The following NCKAP5 variants were observed in gnomAD, a reference collection of about 807,000 sequenced individuals.
NCKAP5 encodes nck-associated protein 5.
Under a neutral mutation model 167.0 loss-of-function variants are expected in NCKAP5, and 92 were observed. That is an observed-to-expected ratio of 0.55 (90% CI 0.47 to 0.66). The LOEUF is 0.66. Among genes scored for constraint, NCKAP5 ranks in the 30% least tolerant of loss-of-function variants. NCKAP5 has a pLI of 0.00. For missense variants in NCKAP5, 2,378 were observed against 2,315.0 expected, an observed-to-expected ratio of 1.03 and a Z score of -0.56; for synonymous variants, 891 against 877.4, an observed-to-expected ratio of 1.02 and a Z score of -0.27.
intron 19 of NCKAP5, among the ~76,000 whole-genome samples, chr2:132,687,515 C>G (rs1186313674): frequency 6.6e-6 from 1 of 152,066 alleles, no homozygotes; most frequent in Non-Finnish European, 1.5e-5. Flanking sequence ...CTATAGTTCT[C>G]TAAAGTGACT....
intron 3 of NCKAP5, among the ~76,000 whole-genome samples, chr2:133,370,980 C>T (rs917168842): frequency 1.7e-4 from 26 of 152,082 alleles, no homozygotes; most frequent in African/African-American, 5.1e-4. Context: ...TTCATAATAT[C>T]CCTCCTAAGC....
Position 132,782,074 on chromosome 2 carries a change from A to C in NCKAP5, c.4737T>G (p.Asp1579Glu), listed in dbSNP as rs758235811. The change falls in exon 14 of 20, where the codon GAT (aspartate) becomes GAG (glutamate). Residue 1579 changes from aspartate to glutamate, a missense_variant. Coordinates refer to ENST00000409261, the MANE Select transcript of NCKAP5 (RefSeq NM_207363.3). ...GATTATTTTTGCTTTGTAAACCGCC[A>C]TCTGGATTATCTGCTGACTTGGTGT... ...IKDTKSADNPDGGLQSKNNRR... is the reference protein window; with the variant it reads ...IKDTKSADNPEGGLQSKNNRR... The C allele has an allele frequency of 2.5e-6, 4 of 1,614,022 alleles. No individual in the cohort carries two copies. The East Asian group carries it at 6.7e-5, about 27-fold the overall frequency.
At chr2:132,882,208 G>A (rs1285975164) in intron 8 of NCKAP5, among the ~76,000 whole-genome samples, 1 of 152,040 alleles carries the variant, frequency 6.6e-6, no homozygotes, top group East Asian at 1.9e-4. Context: ...CTGAAATCAG[G>A]CATTTCTCTA....
chr2:132,808,316 T>C (rs1327115359), intron 11 of NCKAP5, among the ~76,000 whole-genome samples: 1 of 152,116 alleles, frequency 6.6e-6, no homozygotes, highest in Non-Finnish European at 1.5e-5. Context: ...TCTTGTGGAA[T>C]AGTGTCAAAA....
chr2:132,777,883 A>G (rs1301329237), intron 15 of NCKAP5, among the ~76,000 whole-genome samples: 1 of 152,090 alleles, frequency 6.6e-6, no homozygotes, highest in Non-Finnish European at 1.5e-5. Context: ...ACACTGGGTA[A>G]AGAGAATACC....
At chr2:133,344,607 C>T (rs999674280) in intron 3 of NCKAP5, among the ~76,000 whole-genome samples, 1 of 151,866 alleles carries the variant, frequency 6.6e-6, no homozygotes, top group African/African-American at 2.4e-5. Flanking sequence ...TCGCTGGACG[C>T]AGAGTGGTAG....
At chr2:133,052,718 C>CAA (rs112451840) in intron 6 of NCKAP5, among the ~76,000 whole-genome samples, 6 of 81,940 alleles carry the variant, frequency 7.3e-5, no homozygotes, top group East Asian at 3.4e-4. Flanking sequence ...AACTCTGTCA[C>CAA]AAAAAAAAAA....
At chr2:133,632,243 G>A in the NCKAP5 span, among the ~76,000 whole-genome samples, 4 of 152,228 alleles carry the variant, frequency 2.6e-5, no homozygotes, top group East Asian at 1.9e-4. Context: ...CCTGTTCTGA[G>A]CATTCTGGCA....
intron 11 of NCKAP5, among the ~76,000 whole-genome samples, chr2:132,839,082 A>G (rs1688106189): frequency 6.6e-6 from 1 of 152,116 alleles, no homozygotes; most frequent in South Asian, 2.1e-4. Context: ...GTCCATTTGT[A>G]AGAGCTCTTT....
upstream of NCKAP5, among the ~76,000 whole-genome samples, chr2:133,572,419 C>A (rs6730947): frequency 1.3e-5 from 2 of 152,170 alleles, no homozygotes; most frequent in African/African-American, 4.8e-5. Flanking sequence ...AAGTCATAGG[C>A]ATGAAAGACA....
chr2:133,176,751 A>T (rs952012568), intron 5 of NCKAP5, among the ~76,000 whole-genome samples: 1 of 152,202 alleles, frequency 6.6e-6, no homozygotes, highest in Non-Finnish European at 1.5e-5. Context: ...TCATGAGTGT[A>T]TGTGAATGAA....
chr2:133,159,725 A>C (rs904692618), intron 5 of NCKAP5, among the ~76,000 whole-genome samples: 1 of 152,202 alleles, frequency 6.6e-6, no homozygotes, highest in Non-Finnish European at 1.5e-5. Context: ...AAATTGATTG[A>C]ATAAAGATGT....
chr2:133,235,476 C>T (rs2087358734), intron 4 of NCKAP5, among the ~76,000 whole-genome samples: 1 of 152,160 alleles, frequency 6.6e-6, no homozygotes, highest in African/African-American at 2.4e-5. Flanking sequence ...GTGGCTCACA[C>T]CTGTAATCCT....
At chr2:133,268,688 T>C (rs934562492) in intron 4 of NCKAP5, among the ~76,000 whole-genome samples, 2 of 152,270 alleles carry the variant, frequency 1.3e-5, no homozygotes, top group East Asian at 3.9e-4. Context: ...TTCACCGTGG[T>C]CTCGATCTCC....
chr2:133,589,422 G>C, the NCKAP5 span, among the ~76,000 whole-genome samples: 1 of 152,154 alleles, frequency 6.6e-6, no homozygotes, highest in Non-Finnish European at 1.5e-5. Context: ...TTGGGAGTCT[G>C]TTCTGAATAA....
Position 132,756,074 on chromosome 2 carries a change from G to A in NCKAP5, c.5128+17742C>T, listed in dbSNP as rs191069146. Reference sequence around the variant, plus strand: ...GAACTTGCTCAGTTCCTTGGCAAAGGGAGAACTGGAGGAGGCCTGTGTGAC... The same window carrying A: ...GAACTTGCTCAGTTCCTTGGCAAAGAGAGAACTGGAGGAGGCCTGTGTGAC... On this transcript the variant is annotated intron_variant, in intron 16 of 19. Transcript: ENST00000409261. Among the ~76,000 whole-genome samples, 207 of 152,106 alleles carry A rather than the reference G, an allele frequency of 1.4e-3. 2 individuals are homozygous for A. Among genetic ancestry groups the A allele is most frequent in the Non-Finnish European group, 2.8e-3 (188 of 68,000 alleles).
intron 6 of NCKAP5, among the ~76,000 whole-genome samples, chr2:133,038,155 G>C (rs2079097135): frequency 1.3e-5 from 2 of 152,164 alleles, no homozygotes. Flanking sequence ...ATATTGAAGA[G>C]ATAGCTGCAC....
At chr2:133,300,006 G>T (rs528796430) in intron 4 of NCKAP5, among the ~76,000 whole-genome samples, 6 of 146,796 alleles carry the variant, frequency 4.1e-5, no homozygotes, top group Non-Finnish European at 7.5e-5. Context: ...ACACCTCTAC[G>T]CAAATAAACT....
chr2:133,613,296 G>C, the NCKAP5 span, among the ~76,000 whole-genome samples: 2 of 152,140 alleles, frequency 1.3e-5, no homozygotes, highest in African/African-American at 4.8e-5. Context: ...GGATGCAATG[G>C]TACTTTATAA....
Sources: allele counts gnomAD v4.1 joint callset (sites outside exome capture counted in the v4.1 genomes callset), GRCh38; gene constraint gnomAD v4.1.1; transcripts MANE v1.5; gene names NCBI Gene and HGNC (gene_info 2026-07-23, HGNC 2026-07-21).